PDE7B: variants seen among roughly 807,000 people sequenced by gnomAD.
The protein encoded by PDE7B is phosphodiesterase 7B, also known as 3',5'-cyclic-AMP phosphodiesterase 7B.
PDE7B carries 29 observed loss-of-function variants against 56.2 expected under a neutral mutation model. The observed-to-expected ratio is 0.52, with a 90% confidence interval of 0.38 to 0.70. The LOEUF (loss-of-function observed/expected upper bound fraction) is 0.70, where lower values mean the gene tolerates loss of function less well. Among genes scored for constraint, PDE7B ranks in the 30% least tolerant of loss-of-function variants. PDE7B has a pLI of 0.00. For synonymous variants in PDE7B, 197 were observed against 196.9 expected (o/e 1.00, Z 0.00); for missense variants, 490 against 565.0 (o/e 0.87, Z 1.35).
rs187167160 is a variant in PDE7B, at chr6:135,967,152, A to G, written c.82+19628A>G. ...AGCATTGATAGGCCCAGAAAAGTCT[A>G]TAATGGGTAGATTCAATTGACAGTC... On this transcript the variant is annotated intron_variant, in intron 2 of 12. Coordinates refer to ENST00000308191, the MANE Select transcript of PDE7B (RefSeq NM_018945.4). 1.6e-3 allele frequency among the ~76,000 whole-genome samples: 240 copies of G among 152,284 alleles called. 3 individuals carry two copies. The Middle Eastern group carries it at 0.02, about 13-fold the overall frequency.
intron 2 of PDE7B, chr6:136,046,349 A>T (rs372189141): frequency 6.6e-6 from 1 of 152,244 alleles, no homozygotes; most frequent in Non-Finnish European, 1.5e-5. Context: ...CTCTTCTTCA[A>T]CCAAGAAAAT....
intron 1 of PDE7B, among the ~76,000 whole-genome samples, chr6:135,868,866 G>A (rs557298243): frequency 3.3e-5 from 5 of 152,252 alleles, no homozygotes; most frequent in South Asian, 2.1e-4. Context: ...TAGTATGTCC[G>A]AACCTTAAGT....
intron 2 of PDE7B, among the ~76,000 whole-genome samples, chr6:136,005,512 A>C (rs555944569): frequency 2.0e-5 from 3 of 152,282 alleles, no homozygotes; most frequent in African/African-American, 4.8e-5. Context: ...TTACAAGAAA[A>C]AGACAAACAA....
At chr6:135,980,699 G>A (rs1307514192) in intron 2 of PDE7B, among the ~76,000 whole-genome samples, 4 of 150,448 alleles carry the variant, frequency 2.7e-5, no homozygotes, top group Non-Finnish European at 1.5e-5. Flanking sequence ...ACCATCACTG[G>A]CCATCAGAGA....
At chr6:136,099,946 T>G (rs564542533) in intron 2 of PDE7B, among the ~76,000 whole-genome samples, 1 of 152,360 alleles carries the variant, frequency 6.6e-6, no homozygotes, top group African/African-American at 2.4e-5. Flanking sequence ...GAGTTAATTT[T>G]TGTATAAGGT....
intron 2 of PDE7B, among the ~76,000 whole-genome samples, chr6:136,066,568 C>T (rs949399460): frequency 7.2e-5 from 11 of 152,250 alleles, no homozygotes; most frequent in South Asian, 2.1e-4. Flanking sequence ...TCAGCCCTTT[C>T]GCTATGCAGG....
intron 2 of PDE7B, among the ~76,000 whole-genome samples, chr6:135,997,775 A>G (rs550709286): frequency 3.2e-4 from 48 of 152,340 alleles, no homozygotes; most frequent in African/African-American, 8.2e-4. Flanking sequence ...ACAAGATGGT[A>G]TAAATGATAC....
intron 2 of PDE7B, among the ~76,000 whole-genome samples, chr6:136,100,805 T>C (rs1777548878): frequency 6.6e-6 from 1 of 152,172 alleles, no homozygotes; most frequent in African/African-American, 2.4e-5. Flanking sequence ...CAATACTATA[T>C]TGAATAGGAG....
intron 3 of PDE7B, among the ~76,000 whole-genome samples, chr6:136,113,718 G>A (rs1275586147): frequency 2.0e-5 from 3 of 152,174 alleles, no homozygotes; most frequent in African/African-American, 7.2e-5. Flanking sequence ...GTTTGTAGGG[G>A]GGAAACAAAG....
At chr6:136,136,143 G>A (rs1053125192) in intron 3 of PDE7B, among the ~76,000 whole-genome samples, 2 of 152,082 alleles carry the variant, frequency 1.3e-5, no homozygotes, top group African/African-American at 4.8e-5. Context: ...GTGTGAAAGA[G>A]TGAAAGAGCT....
At chr6:135,857,397 C>T (rs1159308081) in intron 1 of PDE7B, among the ~76,000 whole-genome samples, 1 of 152,006 alleles carries the variant, frequency 6.6e-6, no homozygotes, top group Non-Finnish European at 1.5e-5. Flanking sequence ...AAAAAGGATT[C>T]TGTTCAAAAA....
intron 2 of PDE7B, among the ~76,000 whole-genome samples, chr6:136,047,943 G>A (rs886247309): frequency 7.2e-5 from 11 of 152,184 alleles, no homozygotes; most frequent in Non-Finnish European, 1.5e-4. Context: ...CTATGGGAAC[G>A]TAGAGGAAGA....
At chr6:135,884,213 T>C (rs1488001608) in intron 1 of PDE7B, among the ~76,000 whole-genome samples, 3 of 152,182 alleles carry the variant, frequency 2.0e-5, no homozygotes, top group Admixed American at 1.3e-4. Context: ...GCTTAAATAA[T>C]GGGTGAAATT....
At chr6:135,901,199 A>T (rs117565760) in intron 1 of PDE7B, among the ~76,000 whole-genome samples, 3,455 of 152,272 alleles carry the variant, frequency 0.023, 64 homozygotes, top group South Asian at 0.058. Flanking sequence ...AGAAATAGAA[A>T]AACTCTACAT....
At chr6:136,151,573 C>A (rs1358164196) in intron 6 of PDE7B, among the ~76,000 whole-genome samples, 4 of 152,062 alleles carry the variant, frequency 2.6e-5, no homozygotes, top group Admixed American at 2.6e-4. Flanking sequence ...GGAAGCCTTA[C>A]CAATAATAAA....
intron 3 of PDE7B, among the ~76,000 whole-genome samples, chr6:136,145,850 T>C (rs13437072): frequency 1.3e-5 from 2 of 152,122 alleles, no homozygotes; most frequent in African/African-American, 4.8e-5. Flanking sequence ...CTATACTTAC[T>C]CCCTAGGTAA....
chr6:136,166,492 C>T (rs945604370), intron 8 of PDE7B: 1 of 156,590 alleles, frequency 6.4e-6, no homozygotes, highest in Non-Finnish European at 1.4e-5. Context: ...TCTGGGGAGA[C>T]CTTAGGAAAT....
rs181666999 is a variant in PDE7B at position 136,192,981 on chromosome 6, T to C, written c.*1141T>C. On this transcript the variant is annotated 3_prime_UTR_variant, in exon 13 of 13. Transcript: ENST00000308191. ...TTCACATGCATTCCGCTTGAGACCATAGTGTTTAATCTATGGCACCAAGCA... is the reference window on the plus strand; with the variant it reads ...TTCACATGCATTCCGCTTGAGACCACAGTGTTTAATCTATGGCACCAAGCA... The C allele has an allele frequency of 2.0e-5, 3 of 152,402 alleles. No individual in the cohort carries two copies. Among genetic ancestry groups the C allele is most frequent in the Admixed American group, 6.5e-5 (1 of 15,296 alleles). The allele number at this position is 152,402 out of a possible 1,614,324, so 9.4% of individuals were successfully genotyped here.
At chr6:135,977,297 T>G (rs1368290453) in intron 2 of PDE7B, among the ~76,000 whole-genome samples, 1 of 151,932 alleles carries the variant, frequency 6.6e-6, no homozygotes, top group East Asian at 1.9e-4. Context: ...GGAGGATGGG[T>G]GGAGATATGG....
Sources: allele counts gnomAD v4.1 joint callset (sites outside exome capture counted in the v4.1 genomes callset), GRCh38; gene constraint gnomAD v4.1.1; transcripts MANE v1.5; gene names NCBI Gene and HGNC (gene_info 2026-07-23, HGNC 2026-07-21).